The following CMC2 variants were observed in gnomAD, a reference collection of about 807,000 sequenced individuals.
The protein encoded by CMC2 is C-X9-C motif containing 2, also known as COX assembly mitochondrial protein 2 homolog.
Under a neutral mutation model 7.5 loss-of-function variants are expected in CMC2, and 5 were observed. The observed-to-expected ratio is 0.66, with a 90% confidence interval of 0.35 to 1.40. The LOEUF is 1.40. Among genes scored for constraint, CMC2 ranks in the 40% most tolerant of loss-of-function variants. CMC2 has a pLI of 0.04. For synonymous variants in CMC2, 37 were observed against 31.4 expected, an observed-to-expected ratio of 1.18 and a Z score of -0.60; for missense variants, 115 against 92.3, an observed-to-expected ratio of 1.25 and a Z score of -1.01.
At position 80,970,598 on chromosome 16, in the gene CMC2, A is replaced by C. The variant is rs1195031416; in HGVS notation, c.*5495T>G. The C allele has an allele frequency of 2.6e-5, 4 of 152,238 alleles. No homozygotes were observed. The highest frequency in any genetic ancestry group is 5.9e-5 in the Non-Finnish European group (4 of 68,032). The allele number at this position is 152,238 out of a possible 1,614,324, so 9.4% of individuals were successfully genotyped here. A position where few individuals can be genotyped will look rare whatever the true frequency, so the allele number is the denominator to read the frequency against. Reference sequence around the variant, plus strand: ...TGTTCTAAGTACAATAAAATAAGGAAGTATAAACATTGGAAAGAAACAAAT... The same window carrying C: ...TGTTCTAAGTACAATAAAATAAGGACGTATAAACATTGGAAAGAAACAAAT... On this transcript the variant is annotated 3_prime_UTR_variant, in exon 4 of 4. Coordinates refer to ENST00000219400, the MANE Select transcript of CMC2 (RefSeq NM_020188.5).
At chr16:81,003,992 G>A (rs535352511) in intron 1 of CMC2, among the ~76,000 whole-genome samples, 195 of 152,374 alleles carry the variant, frequency 1.3e-3, no homozygotes, top group African/African-American at 4.5e-3. Context: ...GCAGGCCGAG[G>A]TGGGCAGATC....
At chr16:80,978,072 C>CAAAAGAAAA (rs141045423) in intron 3 of CMC2, among the ~76,000 whole-genome samples, 2 of 145,422 alleles carry the variant, frequency 1.4e-5, no homozygotes, top group South Asian at 2.1e-4. Context: ...GACTTCGTCT[C>CAAAAGAAAA]AAAAAAAAAG....
At chr16:80,993,045 C>G (rs547605200) in intron 2 of CMC2, among the ~76,000 whole-genome samples, 1 of 152,104 alleles carries the variant, frequency 6.6e-6, no homozygotes, top group Admixed American at 6.6e-5. Flanking sequence ...GTGTTTGTAT[C>G]GTTTCATTTT....
intron 1 of CMC2, among the ~76,000 whole-genome samples, chr16:81,004,886 G>C (rs1371833649): frequency 1.3e-5 from 2 of 152,172 alleles, no homozygotes; most frequent in African/African-American, 2.4e-5. Flanking sequence ...AAAGAAAACG[G>C]GTAAGCATTC....
chr16:80,998,457 A>C (rs546544462), intron 1 of CMC2: 1 of 152,310 alleles, frequency 6.6e-6, no homozygotes, highest in Admixed American at 6.5e-5. Context: ...CCACTGTGGA[A>C]ACTGGTATAG....
intron 3 of CMC2, chr16:80,978,164 T>C (rs1473047293): frequency 1.8e-6 from 1 of 542,982 alleles, no homozygotes; most frequent in Non-Finnish European, 2.4e-6. Context: ...ACTCATAAAA[T>C]TGTTGGGGAA....
chr16:80,996,109 A>G (rs1968396013), intron 2 of CMC2, among the ~76,000 whole-genome samples: 1 of 152,230 alleles, frequency 6.6e-6, no homozygotes, highest in Non-Finnish European at 1.5e-5. Flanking sequence ...ACTTAAAAGC[A>G]AGGGTTGAAA....
chr16:80,983,399 T>G (rs1967278225), intron 2 of CMC2: 1 of 152,194 alleles, frequency 6.6e-6, no homozygotes, highest in Non-Finnish European at 1.5e-5. Flanking sequence ...ATTTAAAGAC[T>G]TTTTCTTAAT....
chr16:81,002,364 G>A (rs1442192776), intron 1 of CMC2, among the ~76,000 whole-genome samples: 1 of 152,216 alleles, frequency 6.6e-6, no homozygotes, highest in Non-Finnish European at 1.5e-5. Flanking sequence ...AGGCAAGGTT[G>A]CAGTGAGCCA....
chr16:80,985,758 A>G (rs1967469097), intron 2 of CMC2, among the ~76,000 whole-genome samples: 1 of 152,120 alleles, frequency 6.6e-6, no homozygotes, highest in Non-Finnish European at 1.5e-5. Context: ...GGAAAAGGAA[A>G]CGACCAACTA....
At chr16:80,979,864 C>T (rs1254725203) in intron 3 of CMC2, among the ~76,000 whole-genome samples, 3 of 152,006 alleles carry the variant, frequency 2.0e-5, no homozygotes, top group Non-Finnish European at 4.4e-5. Flanking sequence ...TCAGGTGATC[C>T]GCCTGTCTTG....
In CMC2 at chr16:80,968,687, C is replaced by A. The variant is rs1431830563; in HGVS notation, c.*7406G>T. 6.6e-6 allele frequency: 1 copy of A among 152,106 alleles called. No individual in the cohort carries two copies. Among genetic ancestry groups the A allele is most frequent in the Non-Finnish European group, 1.5e-5 (1 of 68,032 alleles). 9.4% of individuals were successfully genotyped at this position (152,106 alleles called of 1,614,324 possible). On this transcript the variant is annotated 3_prime_UTR_variant, in exon 4 of 4. Transcript: ENST00000219400. Reference sequence around the variant, plus strand: ...GAAAACACTCCTGCTAAAAAGCTATCTACAAATACTAGATAGCATATATCA... The same window carrying A: ...GAAAACACTCCTGCTAAAAAGCTATATACAAATACTAGATAGCATATATCA...
rs1468655037 is a variant in CMC2, at chr16:80,970,513, G to GT, written c.*5579dup. ...CAAATTTGCTACTTGTCAGTGAAAT[G>GT]TAAGGATTTAACATCAGTCACAAGA... On this transcript the variant is annotated 3_prime_UTR_variant, in exon 4 of 4. Coordinates refer to ENST00000219400, the MANE Select transcript of CMC2 (RefSeq NM_020188.5). 1 of 152,220 alleles carries GT rather than the reference G, an allele frequency of 6.6e-6. No homozygotes were observed. The highest frequency in any genetic ancestry group is 1.5e-5 in the Non-Finnish European group (1 of 68,042). The allele number at this position is 152,220 out of a possible 1,614,324, so 9.4% of individuals were successfully genotyped here. A position where few individuals can be genotyped will look rare whatever the true frequency, so the allele number is the denominator to read the frequency against.
chr16:80,987,696 G>C (rs1597237553), intron 2 of CMC2, among the ~76,000 whole-genome samples: 1 of 152,172 alleles, frequency 6.6e-6, no homozygotes, highest in Non-Finnish European at 1.5e-5. Context: ...TAAAAGCACA[G>C]CAAGGTAGGC....
intron 2 of CMC2, among the ~76,000 whole-genome samples, chr16:80,995,453 C>G (rs1281747885): frequency 6.6e-6 from 1 of 151,968 alleles, no homozygotes; most frequent in African/African-American, 2.4e-5. Context: ...GTCAGGAGTT[C>G]GAGACCAGCC....
chr16:80,994,586 T>C (rs973132813), intron 2 of CMC2, among the ~76,000 whole-genome samples: 1 of 152,126 alleles, frequency 6.6e-6, no homozygotes, highest in Non-Finnish European at 1.5e-5. Flanking sequence ...AAGAAGCACA[T>C]GAAAAGCATG....
chr16:81,005,948 T>A (rs1419865978), intron 1 of CMC2, among the ~76,000 whole-genome samples: 1 of 152,174 alleles, frequency 6.6e-6, no homozygotes, highest in Non-Finnish European at 1.5e-5. Context: ...AGTTCAGGCC[T>A]CAACGCAGTA....
chr16:80,985,039 C>A (rs1967416026), intron 2 of CMC2, among the ~76,000 whole-genome samples: 1 of 152,124 alleles, frequency 6.6e-6, no homozygotes, highest in African/African-American at 2.4e-5. Context: ...TATCTGCGAA[C>A]CTTTTACATA....
chr16:80,988,581 A>T (rs1967725200), intron 2 of CMC2: 1 of 688,634 alleles, frequency 1.5e-6, no homozygotes, highest in Non-Finnish European at 2.6e-6. Flanking sequence ...TAAGTTGCAG[A>T]TATGATGCAC....
Sources: allele counts gnomAD v4.1 joint callset (sites outside exome capture counted in the v4.1 genomes callset), GRCh38; gene constraint gnomAD v4.1.1; transcripts MANE v1.5; gene names NCBI Gene and HGNC (gene_info 2026-07-23, HGNC 2026-07-21).